The following GPBP1 variants were observed in gnomAD, a reference collection of about 807,000 sequenced individuals.
GPBP1 encodes the protein vasculin.
A neutral mutation model predicts 56.5 loss-of-function variants in GPBP1; 13 were observed. That is an observed-to-expected ratio of 0.23 (90% CI 0.15 to 0.37). GPBP1 has a LOEUF of 0.37. Among genes scored for constraint, GPBP1 ranks in the 10% least tolerant of loss-of-function variants. GPBP1 has a pLI of 1.00. For synonymous variants in GPBP1, 204 were observed against 188.9 expected (o/e 1.08, Z -0.66); for missense variants, 477 against 572.3 (o/e 0.83, Z 1.70).
chr5:57,177,180 T>TA (rs35508675), intron 2 of GPBP1, among the ~76,000 whole-genome samples: 4 of 152,102 alleles, frequency 2.6e-5, no homozygotes, highest in African/African-American at 4.8e-5. Context: ...AGCTTTTTTT[T>TA]AAAAAAAGTT....
chr5:57,214,980 G>A (rs1390441951), intron 3 of GPBP1, among the ~76,000 whole-genome samples: 2 of 152,314 alleles, frequency 1.3e-5, no homozygotes, highest in African/African-American at 4.8e-5. Context: ...TAGTTAACAA[G>A]TCAGTTTTTA....
intron 5 of GPBP1, 59 bp from the exon 6 acceptor site, chr5:57,235,907 G>C: frequency 8.3e-7 from 1 of 1,197,662 alleles, no homozygotes; most frequent in African/African-American, 1.5e-5. Flanking sequence ...ATGATTCTGA[G>C]ATTGGTTTTA....
intron 2 of GPBP1, among the ~76,000 whole-genome samples, chr5:57,179,179 A>G (rs543812437): frequency 2.6e-5 from 4 of 152,274 alleles, no homozygotes; most frequent in Non-Finnish European, 4.4e-5. Flanking sequence ...TTACTTTACT[A>G]ATTCATTTAT....
At chr5:57,209,084 C>T (rs368018999) in intron 2 of GPBP1, among the ~76,000 whole-genome samples, 1 of 152,104 alleles carries the variant, frequency 6.6e-6, no homozygotes, top group East Asian at 1.9e-4. Context: ...TTGGATTTTA[C>T]TGCGAATTGA....
At chr5:57,219,001 G>T (rs1433961702) in intron 3 of GPBP1, among the ~76,000 whole-genome samples, 2 of 152,078 alleles carry the variant, frequency 1.3e-5, no homozygotes, top group Non-Finnish European at 2.9e-5. Flanking sequence ...TAGAATCCAG[G>T]ATGTATCTCC....
Position 57,262,616 on chromosome 5 carries a change from A to G in GPBP1, c.1286A>G (p.Lys429Arg), listed in dbSNP as rs199892864. The change falls in exon 12 of 12, where the codon AAA becomes AGA. Residue 429 changes from lysine to arginine, a missense_variant. Physicochemically the swap from Lys to Arg is conservative, Grantham distance 26 (BLOSUM62 2). Transcript: ENST00000506184. ...TAGTTACAGAAGAATGGTCTGAGAA[A>G]AAATGGTATTTTGAAAAATGGCTTG... The part of the protein sequence containing the change: ...SEQLQKNGLR[K>R]NGILKNGLIC... The G allele has an allele frequency of 2.8e-4, 450 of 1,613,354 alleles. 1 individual carries two copies. The Middle Eastern group carries it at 6.9e-3, about 25-fold the overall frequency.
intron 10 of GPBP1, among the ~76,000 whole-genome samples, chr5:57,253,423 C>T (rs1249122720): frequency 6.6e-6 from 1 of 152,116 alleles, no homozygotes; most frequent in Non-Finnish European, 1.5e-5. Context: ...GTTCTAGAAC[C>T]TCATTTAATT....
At chr5:57,233,879 T>TTA (rs1756561752) in intron 5 of GPBP1, among the ~76,000 whole-genome samples, 1 of 152,188 alleles carries the variant, frequency 6.6e-6, no homozygotes, top group African/African-American at 2.4e-5. Context: ...AGTAATACAA[T>TTA]TAAATTACTT....
At position 57,200,129 on chromosome 5, in the gene GPBP1, C is replaced by T. The variant is rs559180147; in HGVS notation, c.-57-13945C>T. On this transcript the variant is annotated intron_variant, in intron 2 of 11. Coordinates refer to ENST00000506184, the MANE Select transcript of GPBP1 (RefSeq NM_022913.4). ...CACCTCACCTTGCCTCACCCGTCCC[C>T]GCCCCGCCCCTCCCCTCCCCTGCTT... Among the ~76,000 whole-genome samples, 43 of 146,952 alleles carry T rather than the reference C, an allele frequency of 2.9e-4. 1 individual carries two copies. The highest frequency in any genetic ancestry group is 1.0e-3 in the East Asian group (5 of 5,006).
chr5:57,177,648 C>CTT lies in GPBP1; in HGVS notation c.-58+1277_-58+1278dup, dbSNP rs58708281. 5.2e-3 allele frequency among the ~76,000 whole-genome samples: 478 copies of CTT among 92,154 alleles called. 26 individuals carry two copies. Among genetic ancestry groups the CTT allele is most frequent in the East Asian group, 0.02 (50 of 2,452 alleles). The allele number at this position is 92,154 out of a possible 152,430, so 60.5% of individuals were successfully genotyped here. ...GCCACCACGCTCGGCCAATTTTTGC[C>CTT]TTTTTTTTTTTTTTTTTTTTTTTTT... On this transcript the variant is annotated intron_variant, in intron 2 of 11. Coordinates refer to ENST00000506184, the MANE Select transcript of GPBP1 (RefSeq NM_022913.4).
intron 2 of GPBP1, among the ~76,000 whole-genome samples, chr5:57,178,856 A>G (rs892149302): frequency 1.9e-4 from 29 of 152,214 alleles, no homozygotes; most frequent in African/African-American, 6.7e-4. Flanking sequence ...TCTACTCTTT[A>G]TATTTTGCTT....
chr5:57,200,021 CTTTTTTTTTTTTTTT>C (rs61426559), intron 2 of GPBP1, among the ~76,000 whole-genome samples: 12 of 58,896 alleles, frequency 2.0e-4, no homozygotes, highest in East Asian at 1.0e-3. Flanking sequence ...ACTTGAAAAT[CTTTTTTTTTTTTTTT>C]TTTTTTTTTT....
chr5:57,258,518 G>C (rs926397749), intron 10 of GPBP1, among the ~76,000 whole-genome samples: 1 of 152,226 alleles, frequency 6.6e-6, no homozygotes, highest in African/African-American at 2.4e-5. Flanking sequence ...CAAAGGTACA[G>C]TAAGAAAATG....
intron 3 of GPBP1, among the ~76,000 whole-genome samples, chr5:57,225,973 G>A (rs951844155): frequency 2.6e-5 from 4 of 152,224 alleles, no homozygotes; most frequent in African/African-American, 9.6e-5. Flanking sequence ...TTAACGACAT[G>A]TGTAGCAACT....
chr5:57,256,609 G>A (rs1307963260), intron 10 of GPBP1, among the ~76,000 whole-genome samples: 1 of 151,924 alleles, frequency 6.6e-6, no homozygotes, highest in African/African-American at 2.4e-5. Flanking sequence ...AGAACATTTT[G>A]TTATTTGCCA....
intron 3 of GPBP1, among the ~76,000 whole-genome samples, chr5:57,218,268 G>C (rs536979176): frequency 6.6e-6 from 1 of 152,130 alleles, no homozygotes; most frequent in Non-Finnish European, 1.5e-5. Context: ...CCACAAGACT[G>C]CTTTCACTTC....
In GPBP1 at chr5:57,201,079, C is replaced by G. The variant is rs1413940159; in HGVS notation, c.-57-12995C>G. ...TCTCGGGTAATCTGCCCTCCTCGGC[C>G]TCCCAGAATGCTGGGATTACAGGCA... On this transcript the variant is annotated intron_variant, in intron 2 of 11. Transcript: ENST00000506184. Among the ~76,000 whole-genome samples, 8 of 152,212 alleles carry G rather than the reference C, an allele frequency of 5.3e-5. No homozygotes were observed. In the East Asian group the frequency reaches 1.5e-3, roughly 29 times the overall value.
At chr5:57,217,338 C>G (rs533476427) in intron 3 of GPBP1, among the ~76,000 whole-genome samples, 2 of 151,822 alleles carry the variant, frequency 1.3e-5, no homozygotes, top group Non-Finnish European at 2.9e-5. Flanking sequence ...TTTGGGAGGC[C>G]GAGGCGGGCG....
chr5:57,223,153 T>A (rs1382738549), intron 3 of GPBP1, among the ~76,000 whole-genome samples: 1 of 152,156 alleles, frequency 6.6e-6, no homozygotes, highest in African/African-American at 2.4e-5. Context: ...TTTTTTTCCC[T>A]CTTAGAGACA....
Sources: allele counts gnomAD v4.1 joint callset (sites outside exome capture counted in the v4.1 genomes callset), GRCh38; gene constraint gnomAD v4.1.1; transcripts MANE v1.5; gene names NCBI Gene and HGNC (gene_info 2026-07-23, HGNC 2026-07-21).